IPCEF1: variants seen among roughly 807,000 people sequenced by gnomAD.
The protein encoded by IPCEF1 is interaction protein for cytohesin exchange factors 1, also known as interactor protein for cytohesin exchange factors 1.
IPCEF1 carries 31 observed loss-of-function variants against 50.9 expected under a neutral mutation model. The observed-to-expected ratio is 0.61, with a 90% confidence interval of 0.46 to 0.82. The LOEUF (loss-of-function observed/expected upper bound fraction) is 0.82. IPCEF1 is among the 40% of genes least tolerant of loss of function. IPCEF1 has a pLI of 0.00. For missense variants in IPCEF1, 458 were observed against 514.0 expected, an observed-to-expected ratio of 0.89 and a Z score of 1.05; for synonymous variants, 181 against 192.0, an observed-to-expected ratio of 0.94 and a Z score of 0.47.
Position 154,221,307 on chromosome 6 carries a change from T to C in IPCEF1, c.342A>G (p.Pro114=). The C allele has an allele frequency of 6.2e-7, 1 of 1,613,966 alleles. No individual in the cohort carries two copies. The highest frequency in any genetic ancestry group is 1.1e-5 in the South Asian group (1 of 91,056). Residue 114 remains proline (P), a synonymous_variant, in exon 7 of 12, where the codon CCA becomes CCG. Transcript: ENST00000367220. ...KKKHAFKISH[P]QIKTFYFAAE... ...CTGCAAAATAAAAGGTCTTGATCTG[T>C]GGATGGCTGATCTTAAAAGCACTTG...
At chr6:154,310,057 C>A (rs1200668665) in intron 1 of IPCEF1, among the ~76,000 whole-genome samples, 7 of 152,342 alleles carry the variant, frequency 4.6e-5, no homozygotes, top group African/African-American at 1.4e-4. Flanking sequence ...AGCCACCACA[C>A]CCGGCCGTCG....
At chr6:154,331,836 C>A (rs1267251044) in intron 1 of IPCEF1, among the ~76,000 whole-genome samples, 1 of 145,562 alleles carries the variant, frequency 6.9e-6, no homozygotes, top group Non-Finnish European at 1.5e-5. Context: ...GACAGCCCAC[C>A]CCAAGGAAAA....
chr6:154,202,244 G>A (rs151304372), intron 9 of IPCEF1, among the ~76,000 whole-genome samples: 3 of 152,000 alleles, frequency 2.0e-5, no homozygotes, highest in East Asian at 1.9e-4. Flanking sequence ...ATACTGGCAC[G>A]TACATAAAAA....
intron 9 of IPCEF1, among the ~76,000 whole-genome samples, chr6:154,211,498 G>T (rs1027673979): frequency 6.6e-6 from 1 of 151,770 alleles, no homozygotes; most frequent in African/African-American, 2.4e-5. Flanking sequence ...CTGGACACTT[G>T]AGCATGCCAT....
intron 3 of IPCEF1, among the ~76,000 whole-genome samples, chr6:154,258,493 A>T (rs1781515029): frequency 6.6e-6 from 1 of 152,186 alleles, no homozygotes; most frequent in Non-Finnish European, 1.5e-5. Context: ...TCTGTGTGGG[A>T]TACCATGGTA....
At chr6:154,181,765 C>A (rs1439867628) in intron 10 of IPCEF1, among the ~76,000 whole-genome samples, 5 of 152,170 alleles carry the variant, frequency 3.3e-5, no homozygotes, top group African/African-American at 1.2e-4. Context: ...ATTGATAAGC[C>A]AGCCAGCAAT....
intron 10 of IPCEF1, among the ~76,000 whole-genome samples, chr6:154,178,585 ATAAC>A (rs1216399875): frequency 6.6e-6 from 1 of 152,240 alleles, no homozygotes; most frequent in Non-Finnish European, 1.5e-5. Flanking sequence ...CTTCCAATAA[ATAAC>A]TAAACTTTAA....
At chr6:154,311,430 A>G (rs556668571) in intron 1 of IPCEF1, among the ~76,000 whole-genome samples, 6 of 152,206 alleles carry the variant, frequency 3.9e-5, no homozygotes, top group Admixed American at 2.0e-4. Context: ...CCTTTTGTTG[A>G]ATTATCACCA....
chr6:154,254,473 T>C (rs1781413198), intron 3 of IPCEF1, among the ~76,000 whole-genome samples: 1 of 152,172 alleles, frequency 6.6e-6, no homozygotes, highest in South Asian at 2.1e-4. Context: ...CTCAATATCA[T>C]GAGAACAGCA....
chr6:154,225,380 C>T (rs1253045189), intron 5 of IPCEF1, among the ~76,000 whole-genome samples: 2 of 152,154 alleles, frequency 1.3e-5, no homozygotes, highest in Non-Finnish European at 2.9e-5. Flanking sequence ...ATTAATTGTG[C>T]TGTATCTATA....
At chr6:154,308,321 C>T (rs1226237227) in intron 1 of IPCEF1, among the ~76,000 whole-genome samples, 1 of 152,024 alleles carries the variant, frequency 6.6e-6, no homozygotes, top group African/African-American at 2.4e-5. Context: ...TTTTTTTTCG[C>T]AGTGTTGACC....
intron 1 of IPCEF1, among the ~76,000 whole-genome samples, chr6:154,307,471 T>C (rs910376704): frequency 2.0e-5 from 3 of 152,196 alleles, no homozygotes; most frequent in Admixed American, 1.3e-4. Context: ...CTCGGGTATG[T>C]TTTTATCAGC....
chr6:154,247,689 G>GAAA, intron 3 of IPCEF1: 2 of 355,760 alleles, frequency 5.6e-6, no homozygotes, highest in Non-Finnish European at 5.1e-6. Context: ...AGCTGAACCT[G>GAAA]AAAAAAAAAA....
At chr6:154,341,678 T>C (rs940132476) in intron 1 of IPCEF1, among the ~76,000 whole-genome samples, 11 of 152,204 alleles carry the variant, frequency 7.2e-5, no homozygotes, top group African/African-American at 2.4e-4. Flanking sequence ...CACTGGAAGG[T>C]TCAATGCGTA....
At chr6:154,331,069 C>T (rs974814315) in intron 1 of IPCEF1, among the ~76,000 whole-genome samples, 1 of 151,948 alleles carries the variant, frequency 6.6e-6, no homozygotes, top group South Asian at 2.1e-4. Context: ...GAGTTTGAGA[C>T]CAGGCTGGCC....
intron 2 of IPCEF1, among the ~76,000 whole-genome samples, chr6:154,287,964 C>T (rs551346091): frequency 2.0e-5 from 3 of 152,212 alleles, no homozygotes; most frequent in African/African-American, 7.2e-5. Flanking sequence ...ATGCAGACAT[C>T]TTACTGCCTG....
At chr6:154,262,074 C>A (rs1358282183) in intron 3 of IPCEF1, among the ~76,000 whole-genome samples, 1 of 152,132 alleles carries the variant, frequency 6.6e-6, no homozygotes, top group Non-Finnish European at 1.5e-5. Context: ...AGGGTAACCA[C>A]TGAAAAGCTG....
chr6:154,224,587 T>C (rs1779111809), intron 5 of IPCEF1, among the ~76,000 whole-genome samples: 1 of 152,104 alleles, frequency 6.6e-6, no homozygotes, highest in Non-Finnish European at 1.5e-5. Flanking sequence ...GGTGGGCCCC[T>C]GTAATTTCAG....
intron 3 of IPCEF1, among the ~76,000 whole-genome samples, chr6:154,249,889 G>A (rs1263223393): frequency 1.4e-5 from 2 of 139,676 alleles, no homozygotes; most frequent in South Asian, 2.2e-4. Context: ...AGCAGAACAG[G>A]CACCCAACTC....
Sources: gnomAD v4.1 joint callset for allele counts (sites outside exome capture counted in the v4.1 genomes callset) on GRCh38, gnomAD v4.1.1 for gene constraint, MANE v1.5 for transcripts, NCBI Gene and HGNC (gene_info 2026-07-23, HGNC 2026-07-21) for gene names.